SIK3: variants seen among roughly 807,000 people sequenced by gnomAD.
The protein encoded by SIK3 is serine/threonine-protein kinase SIK3.
SIK3 carries 28 observed loss-of-function variants against 144.2 expected under a neutral mutation model. That is an observed-to-expected ratio of 0.19 (90% CI 0.14 to 0.27). The LOEUF is 0.27. Ranked by LOEUF, SIK3 falls within the 10% of genes least tolerant of loss-of-function variation. The pLI, the probability that SIK3 is intolerant of heterozygous loss-of-function variation, is 1.00. For synonymous variants in SIK3, 686 were observed against 676.3 expected (o/e 1.01, Z -0.22); for missense variants, 1,319 against 1,776.0 (o/e 0.74, Z 4.62).
chr11:116,969,309 A>G (rs1322013314), intron 1 of SIK3, among the ~76,000 whole-genome samples: 2 of 151,310 alleles, frequency 1.3e-5, no homozygotes, highest in Non-Finnish European at 2.9e-5. Flanking sequence ...AAAAAAAAAA[A>G]AAAGACATAT....
At chr11:117,012,544 A>G (rs1229658897) in intron 1 of SIK3, among the ~76,000 whole-genome samples, 3 of 152,186 alleles carry the variant, frequency 2.0e-5, no homozygotes, top group African/African-American at 7.2e-5. Flanking sequence ...GTCCCTAAAA[A>G]TGACCTGTAC....
At chr11:116,975,447 A>G (rs921423687) in intron 1 of SIK3, among the ~76,000 whole-genome samples, 1 of 151,054 alleles carries the variant, frequency 6.6e-6, no homozygotes, top group South Asian at 2.1e-4. Context: ...TTTCATCTCA[A>G]TGAGATCATA....
At chr11:116,960,277 G>T (rs1474184879) in intron 1 of SIK3, among the ~76,000 whole-genome samples, 1 of 152,144 alleles carries the variant, frequency 6.6e-6, no homozygotes, top group Non-Finnish European at 1.5e-5. Flanking sequence ...TGTAATTCCA[G>T]CACTTTGGGA....
chr11:116,848,974 AAAAAG>A (rs1474322525), intron 22 of SIK3, 141 bp downstream of exon 22: 25 of 980,142 alleles, frequency 2.6e-5, no homozygotes, highest in Non-Finnish European at 3.2e-5. Flanking sequence ...AAAAAGAAAA[AAAAAG>A]AAATGCTCCC....
At position 117,056,503 on chromosome 11, in the gene SIK3, G is replaced by A. The variant is rs193217016; in HGVS notation, c.273+41640C>T. Among the ~76,000 whole-genome samples, 576 of 149,764 alleles carry A rather than the reference G, an allele frequency of 3.8e-3. 3 individuals carry two copies. The highest frequency in any genetic ancestry group is 0.014 in the African/African-American group (542 of 39,998). ...ACAAACCTGCACATTGTGCACATGT[G>A]CCCTAGAACTTAAAGTATAATAAAA... On this transcript the variant is annotated intron_variant, in intron 1 of 24. Transcript: ENST00000445177.
At chr11:116,888,846 A>G (rs1262462702) in intron 6 of SIK3, among the ~76,000 whole-genome samples, 1 of 152,224 alleles carries the variant, frequency 6.6e-6, no homozygotes, top group Non-Finnish European at 1.5e-5. Context: ...TAATAGTTCT[A>G]AGCAGTTAGA....
At chr11:116,941,532 T>A (rs1378037536) in intron 3 of SIK3, among the ~76,000 whole-genome samples, 4 of 152,206 alleles carry the variant, frequency 2.6e-5, no homozygotes, top group African/African-American at 9.6e-5. Flanking sequence ...ACACAGTATC[T>A]TGTACACAAT....
intron 3 of SIK3, among the ~76,000 whole-genome samples, chr11:116,937,342 C>T (rs2135227900): frequency 6.6e-6 from 1 of 152,288 alleles, no homozygotes; most frequent in Non-Finnish European, 1.5e-5. Context: ...ATGAATGCAC[C>T]TTGTTTTGTA....
intron 21 of SIK3, among the ~76,000 whole-genome samples, chr11:116,854,092 G>T (rs888817050): frequency 1.3e-5 from 2 of 152,168 alleles, no homozygotes; most frequent in African/African-American, 4.8e-5. Context: ...GGGTGTGGTG[G>T]CTCATGCCTG....
At chr11:116,895,849 A>AT (rs1379136955) in intron 6 of SIK3, among the ~76,000 whole-genome samples, 1 of 152,226 alleles carries the variant, frequency 6.6e-6, no homozygotes, top group Non-Finnish European at 1.5e-5. Context: ...TGAGAACCCA[A>AT]TAAGTGGAAA....
chr11:116,873,477 T>C lies in SIK3; in HGVS notation c.1737+4A>G, dbSNP rs767642608. ...AGTGAATTGGGCTCTGTGCTGCTAC[T>C]CACTGGTGTCATGGTGACAAGCGGA... On this transcript the variant is annotated splice_donor_region_variant and intron_variant, in intron 13 of 24. Coordinates refer to ENST00000445177, the MANE Select transcript of SIK3 (RefSeq NM_001366686.3). 23 of 1,614,072 alleles carry C rather than the reference T, an allele frequency of 1.4e-5. No individual in the cohort carries two copies. The highest frequency in any genetic ancestry group is 1.8e-5 in the Non-Finnish European group (21 of 1,180,028).
At chr11:116,957,585 G>A (rs1949187673) in intron 1 of SIK3, among the ~76,000 whole-genome samples, 1 of 152,160 alleles carries the variant, frequency 6.6e-6, no homozygotes, top group Admixed American at 6.5e-5. Context: ...TGATGGTGGT[G>A]GCAGCAGCAG....
chr11:116,848,328 C>T (rs1363753036), intron 22 of SIK3, among the ~76,000 whole-genome samples: 1 of 152,078 alleles, frequency 6.6e-6, no homozygotes, highest in Non-Finnish European at 1.5e-5. Flanking sequence ...ACCTGGGTGA[C>T]AGAGCAAGAC....
chr11:117,013,907 G>C (rs1314153965), intron 1 of SIK3, among the ~76,000 whole-genome samples: 1 of 44,836 alleles, frequency 2.2e-5, no homozygotes, highest in African/African-American at 6.9e-5. Flanking sequence ...TGAGGGGGGG[G>C]GGGGGAGGGT....
intron 3 of SIK3, among the ~76,000 whole-genome samples, chr11:116,934,289 AGAT>A (rs1299670117): frequency 6.6e-6 from 1 of 152,248 alleles, no homozygotes; most frequent in Non-Finnish European, 1.5e-5. Context: ...AAAGAACAAA[AGAT>A]GATTGAATAC....
chr11:117,049,768 C>T (rs933108517), intron 1 of SIK3, among the ~76,000 whole-genome samples: 5 of 151,956 alleles, frequency 3.3e-5, no homozygotes, highest in Non-Finnish European at 7.4e-5. Context: ...CCAGCCTGGG[C>T]AACAAACCGA....
Position 116,876,023 on chromosome 11 carries a change from A to G in SIK3, c.1096-14T>C. On this transcript the variant is annotated splice_polypyrimidine_tract_variant and intron_variant, in intron 8 of 24. Transcript: ENST00000445177. ...TGATCTTAATGACTACCAAGAGAGA[A>G]GGGAAAAGAGTACAAAACCCTGGTG... 6.2e-7 allele frequency: 1 copy of G among 1,613,264 alleles called. No individual in the cohort carries two copies. The highest frequency in any genetic ancestry group is 1.1e-5 in the South Asian group (1 of 90,984).
At chr11:117,036,780 C>G (rs1450968637) in intron 1 of SIK3, among the ~76,000 whole-genome samples, 1 of 152,106 alleles carries the variant, frequency 6.6e-6, no homozygotes, top group Non-Finnish European at 1.5e-5. Context: ...TGAAATAACT[C>G]AGATGAAAGT....
At chr11:116,991,747 C>A (rs1950507215) in intron 1 of SIK3, among the ~76,000 whole-genome samples, 1 of 152,176 alleles carries the variant, frequency 6.6e-6, no homozygotes, top group African/African-American at 2.4e-5. Flanking sequence ...ACTTTCCCCT[C>A]CTATCCCCAT....
Sources: allele counts gnomAD v4.1 joint callset (sites outside exome capture counted in the v4.1 genomes callset), GRCh38; gene constraint gnomAD v4.1.1; transcripts MANE v1.5; gene names NCBI Gene and HGNC (gene_info 2026-07-23, HGNC 2026-07-21).